The following ALDH1A1 variants were observed in gnomAD, a reference collection of about 807,000 sequenced individuals.
ALDH1A1 encodes aldehyde dehydrogenase 1 family member A1, also known as aldehyde dehydrogenase 1A1.
In ALDH1A1, 19 loss-of-function variants were observed where a neutral mutation model predicts 62.1. The observed-to-expected ratio is 0.31, with a 90% CI of 0.21 to 0.45. The LOEUF (loss-of-function observed/expected upper bound fraction) is 0.45. Among genes scored for constraint, ALDH1A1 ranks in the 20% least tolerant of loss-of-function variants. The probability of loss-of-function intolerance (pLI) is 1.00; values close to 1 mark genes in which losing one functional copy is unlikely to be tolerated. For missense variants in ALDH1A1, 521 were observed against 607.1 expected (o/e 0.86, Z 1.49); for synonymous variants, 231 against 215.9 (o/e 1.07, Z -0.61).
chr9:72,940,225 A>C lies in ALDH1A1; in HGVS notation c.94T>G (p.Ser32Ala). ...KIFINNEWHD[S>A]VSGKKFPVFN... ...ACAGGAAATTTCTTGCCACTCACTG[A>C]ATCATGCCATTCATTGTTTATGAAG... is the stretch of plus-strand genomic sequence containing the variant. The change falls in exon 2 of 13, where the codon TCA becomes GCA. Residue 32 changes from serine (S) to alanine (A), a missense_variant. Transcript: ENST00000297785. 1 of 1,613,684 alleles carries C rather than the reference A, an allele frequency of 6.2e-7. No homozygotes were observed. The highest frequency in any genetic ancestry group is 8.5e-7 in the Non-Finnish European group (1 of 1,179,698).
chr9:72,902,817 T>C (rs1351099492), intron 12 of ALDH1A1, among the ~76,000 whole-genome samples: 1 of 152,044 alleles, frequency 6.6e-6, no homozygotes, highest in Non-Finnish European at 1.5e-5. Flanking sequence ...ACTGTTTGTA[T>C]ACTTCTAAAA....
chr9:72,939,190 T>G (rs540808800), intron 2 of ALDH1A1, among the ~76,000 whole-genome samples: 1 of 152,182 alleles, frequency 6.6e-6, no homozygotes, highest in East Asian at 1.9e-4. Context: ...CTTTCTACTC[T>G]GCCATCTCAT....
At chr9:72,935,597 T>C (rs1238445378) in intron 2 of ALDH1A1, among the ~76,000 whole-genome samples, 2 of 152,228 alleles carry the variant, frequency 1.3e-5, no homozygotes, top group African/African-American at 4.8e-5. Flanking sequence ...TGTTAGGTCA[T>C]GCCTTAGTAT....
Position 72,937,736 on chromosome 9 carries a change from G to T in ALDH1A1, c.171+2412C>A, listed in dbSNP as rs80133950. On this transcript the variant is annotated intron_variant, in intron 2 of 12. Coordinates refer to ENST00000297785, the MANE Select transcript of ALDH1A1 (RefSeq NM_000689.5). ...AGTTAATGCGGTGGCCTGGGAAAGAGGCCATAAACAAAGGTTGAGTAATAT... is the reference window on the plus strand; with the variant it reads ...AGTTAATGCGGTGGCCTGGGAAAGATGCCATAAACAAAGGTTGAGTAATAT... Among the ~76,000 whole-genome samples the T allele has an allele frequency of 1.9e-4, 29 of 152,260 alleles. No homozygotes were observed. The East Asian group carries it at 5.6e-3, about 29-fold the overall frequency.
rs956874828 is a variant in ALDH1A1, at chr9:72,951,145, G to T, written c.66+1790C>A. On this transcript the variant is annotated intron_variant, in intron 1 of 12. Coordinates refer to ENST00000297785, the MANE Select transcript of ALDH1A1 (RefSeq NM_000689.5). ...AAAGTTCTTAAACACAGAGCAAAAC[G>T]CCTGCTCTTTGAGTCTTGCCTTCTT... is the stretch of plus-strand genomic sequence containing the variant. 3.9e-5 allele frequency among the ~76,000 whole-genome samples: 6 copies of T among 151,976 alleles called. No individual in the cohort carries two copies. The South Asian group carries it at 1.2e-3, about 32-fold the overall frequency.
Position 72,901,214 on chromosome 9 carries a change from G to T in ALDH1A1, c.1500C>A (p.Asn500Lys), listed in dbSNP as rs1277449168. 6.2e-7 allele frequency: 1 copy of T among 1,604,846 alleles called. No individual in the cohort carries two copies. The highest frequency in any genetic ancestry group is 8.5e-7 in the Non-Finnish European group (1 of 1,173,050). The change falls in exon 13 of 13, where the codon AAC (asparagine) becomes AAA (lysine). Residue 500 changes from asparagine to lysine, a missense_variant. Coordinates refer to ENST00000297785, the MANE Select transcript of ALDH1A1 (RefSeq NM_000689.5). ...CTCCACTCTTGTATTTTCTTTATGA[G>T]TTCTTCTGAGAGATTTTCACTGTGA... Reference protein sequence around the residue: ...KTVTVKISQKNS With the variant: ...KTVTVKISQKKS
chr9:72,933,242 C>T (rs1404004949), intron 2 of ALDH1A1, among the ~76,000 whole-genome samples: 2 of 152,232 alleles, frequency 1.3e-5, no homozygotes, highest in East Asian at 1.9e-4. Flanking sequence ...GATAAATATT[C>T]GACTCTGCAG....
At chr9:72,921,999 A>G (rs1332091720) in intron 7 of ALDH1A1, among the ~76,000 whole-genome samples, 1 of 152,038 alleles carries the variant, frequency 6.6e-6, no homozygotes, top group African/African-American at 2.4e-5. Flanking sequence ...AGCCTGGGGG[A>G]ATGAAAAGAT....
chr9:72,940,085 A>G (rs1830398369), intron 2 of ALDH1A1, 63 bp downstream of exon 2: 1 of 1,227,556 alleles, frequency 8.1e-7, no homozygotes, highest in Admixed American at 1.7e-5. Context: ...GGGGTTCAGG[A>G]GCTCAGAATG....
At chr9:72,925,359 TA>T in intron 6 of ALDH1A1, 124 bp downstream of exon 6, 1 of 1,095,508 alleles carries the variant, frequency 9.1e-7, no homozygotes. Flanking sequence ...ATGCTAAATG[TA>T]TTCCCCCCAC....
chr9:72,905,534 A>G (rs1177386966), intron 12 of ALDH1A1, among the ~76,000 whole-genome samples: 1 of 152,170 alleles, frequency 6.6e-6, no homozygotes, highest in African/African-American at 2.4e-5. Context: ...TTTCCTTTAC[A>G]TAAGTCACCT....
At chr9:72,952,713 G>A (rs376147926) in intron 1 of ALDH1A1, among the ~76,000 whole-genome samples, 5 of 151,942 alleles carry the variant, frequency 3.3e-5, no homozygotes, top group Admixed American at 2.6e-4. Flanking sequence ...AATTCCTTTC[G>A]CTTGGAAATA....
intron 1 of ALDH1A1, among the ~76,000 whole-genome samples, chr9:72,942,795 T>C (rs951122562): frequency 6.6e-6 from 1 of 152,148 alleles, no homozygotes. Flanking sequence ...TTTTCTTCTA[T>C]TTTTACTTCA....
intron 10 of ALDH1A1, among the ~76,000 whole-genome samples, chr9:72,910,958 C>T (rs746039136): frequency 1.3e-5 from 2 of 152,112 alleles, no homozygotes; most frequent in African/African-American, 2.4e-5. Context: ...GCTAGCTGTT[C>T]TACTGTATAT....
At chr9:72,913,120 C>T (rs372244977) in intron 9 of ALDH1A1, among the ~76,000 whole-genome samples, 2 of 152,276 alleles carry the variant, frequency 1.3e-5, no homozygotes, top group African/African-American at 4.8e-5. Flanking sequence ...CTTTCTCTTA[C>T]TCTTCTCTGA....
chr9:72,901,381 A>G (rs1206494522), intron 12 of ALDH1A1, 101 bp from the exon 13 acceptor site: 18 of 738,778 alleles, frequency 2.4e-5, no homozygotes, highest in Non-Finnish European at 4.0e-5. Flanking sequence ...TTTACTGGCT[A>G]GGGACAATAG....
At chr9:72,905,899 G>T in intron 12 of ALDH1A1, 59 bp downstream of exon 12, 1 of 1,373,202 alleles carries the variant, frequency 7.3e-7, no homozygotes, top group Non-Finnish European at 1.0e-6. Context: ...TTAATTCCCT[G>T]GGAATGAAAA....
At chr9:72,906,171 G>T in intron 11 of ALDH1A1, 139 bp from the exon 12 acceptor site, 1 of 587,724 alleles carries the variant, frequency 1.7e-6, no homozygotes, top group Non-Finnish European at 3.0e-6. Context: ...ATAAAAAAAA[G>T]TAGCACTATA....
intron 8 of ALDH1A1, among the ~76,000 whole-genome samples, chr9:72,917,400 T>A (rs1414324032): frequency 6.6e-6 from 1 of 152,046 alleles, no homozygotes; most frequent in South Asian, 2.1e-4. Context: ...TTGGAAATGA[T>A]TTATATAAAT....
Sources: allele counts gnomAD v4.1 joint callset (sites outside exome capture counted in the v4.1 genomes callset), GRCh38; gene constraint gnomAD v4.1.1; transcripts MANE v1.5; gene names NCBI Gene and HGNC (gene_info 2026-07-23, HGNC 2026-07-21).